ACACB: variants seen among roughly 807,000 people sequenced by gnomAD.
ACACB encodes the protein acetyl-CoA carboxylase beta, also known as acetyl-CoA carboxylase 2.
In ACACB, 209 loss-of-function variants were observed where a neutral mutation model predicts 278.8. That is an observed-to-expected ratio of 0.75 (90% confidence interval 0.67 to 0.84). The LOEUF is 0.84. Among genes scored for constraint, ACACB ranks in the 40% least tolerant of loss-of-function variants. The pLI is 0.00. For synonymous variants in ACACB, 1,174 were observed against 1,285.6 expected (o/e 0.91, Z 1.86); for missense variants, 2,850 against 3,269.0 (o/e 0.87, Z 3.13).
At chr12:109,242,756 G>A (rs1244017552) in intron 37 of ACACB, 164 bp downstream of exon 37, 4 of 756,732 alleles carry the variant, frequency 5.3e-6, no homozygotes, top group Non-Finnish European at 8.1e-6. Flanking sequence ...GGGAGGCCGA[G>A]GAGGGAGGAT....
Position 109,227,487 on chromosome 12 carries a change from C to G in ACACB, c.3999C>G (p.Asn1333Lys). Residue 1333 changes from asparagine (N) to lysine (K), a missense_variant and splice_region_variant, in exon 28 of 53, where the codon AAC (asparagine) becomes AAG (lysine). Asn to Lys is a moderately conservative substitution (Grantham distance 94, BLOSUM62 0). Coordinates refer to ENST00000338432, the MANE Select transcript of ACACB (RefSeq NM_001093.4). Reference sequence around the variant, plus strand: ...TCATGCTGCCGTCCTCCCACCCAAACCGGTATGGAGTGGGACACACCCAGG... The same window carrying G: ...TCATGCTGCCGTCCTCCCACCCAAAGCGGTATGGAGTGGGACACACCCAGG... ...FQFMLPSSHP[N>K]RMTVPISITN... The G allele has an allele frequency of 6.2e-7, 1 of 1,613,636 alleles. No homozygotes were observed. The highest frequency in any genetic ancestry group is 1.1e-5 in the South Asian group (1 of 91,044).
rs753949478 is a variant in ACACB, at chr12:109,139,922, T to A, written c.517T>A (p.Tyr173Asn). Residue 173 changes from tyrosine to asparagine, a missense_variant, in exon 2 of 53, where the codon TAC (tyrosine) becomes AAC (asparagine). Transcript: ENST00000338432. The stretch of plus-strand genomic sequence containing the variant: ...CTTCATCCTGGGCTCTTTTGATGAC[T>A]ACTCCTCCGACGAGGACTCTGTTGC... ...TNFILGSFDDYSSDEDSVAGS... is the reference protein window; with the variant it reads ...TNFILGSFDDNSSDEDSVAGS... 4.3e-6 allele frequency: 7 copies of A among 1,614,052 alleles called. No homozygotes were observed. The highest frequency in any genetic ancestry group is 1.3e-5 in the African/African-American group (1 of 74,946).
At chr12:109,140,890 C>CTTTTTTTTTTTT (rs386377714) in intron 2 of ACACB, among the ~76,000 whole-genome samples, 4 of 86,752 alleles carry the variant, frequency 4.6e-5, no homozygotes, top group Non-Finnish European at 6.9e-5. Flanking sequence ...TTCATTCATT[C>CTTTTTTTTTTTT]TTTTTTTTTT....
intron 1 of ACACB, among the ~76,000 whole-genome samples, chr12:109,122,408 T>C (rs7315132): frequency 0.031 from 4,685 of 151,920 alleles, 208 homozygotes; most frequent in African/African-American, 0.1. Flanking sequence ...TCCCTGTCTG[T>C]ATAAAATATA....
At position 109,172,330 on chromosome 12, in the gene ACACB, T is replaced by C. The variant is rs780259117; in HGVS notation, c.1091T>C (p.Leu364Pro). 2 of 1,614,182 alleles carry C rather than the reference T, an allele frequency of 1.2e-6. No homozygotes were observed. The highest frequency in any genetic ancestry group is 3.3e-5 in the Admixed American group (2 of 60,024). ...ASENPKLPEL[L>P]CKNGVAFLGP... is the part of the protein sequence containing the mutation. ...GAAAACCCTAAACTTCCGGAGCTGC[T>C]GTGCAAGAATGGAGTTGCTTTCTTA... Residue 364 changes from leucine to proline, a missense_variant, in exon 6 of 53, where the codon CTG (leucine) becomes CCG (proline). Physicochemically the swap from Leu to Pro is moderately conservative, Grantham distance 98. This residue lies in a region of ACACB where 2,265 missense variants were observed against 2,561.3 expected (regional missense o/e 0.88). Coordinates refer to ENST00000338432, the MANE Select transcript of ACACB (RefSeq NM_001093.4).
At chr12:109,170,967 G>C (rs927089926) in intron 4 of ACACB, among the ~76,000 whole-genome samples, 2 of 150,700 alleles carry the variant, frequency 1.3e-5, no homozygotes, top group African/African-American at 4.9e-5. Context: ...CTCCCAAGTA[G>C]CTGGGACTAT....
chr12:109,167,203 A>G (rs894708330), intron 3 of ACACB: 9 of 613,820 alleles, frequency 1.5e-5, no homozygotes, highest in East Asian at 2.9e-5. Flanking sequence ...GGATGAAATG[A>G]AATAAGACAG....
intron 24 of ACACB, among the ~76,000 whole-genome samples, chr12:109,220,371 G>T (rs531046287): frequency 3.3e-5 from 5 of 152,238 alleles, no homozygotes; most frequent in South Asian, 2.1e-4. Flanking sequence ...TGATTATTTC[G>T]AAATGAATTT....
rs547530255 is a variant in ACACB at position 109,121,093 on chromosome 12, C to A, written c.-10+4389C>A. ...TAGCTGGGACCACAGGTGCATATCA[C>A]CACACTCGGCTAATTTTTGTATTTT... On this transcript the variant is annotated intron_variant, in intron 1 of 52. Transcript: ENST00000338432. Among the ~76,000 whole-genome samples, 5 of 152,212 alleles carry A rather than the reference C, an allele frequency of 3.3e-5. No individual in the cohort carries two copies. In the East Asian group the frequency reaches 9.7e-4, roughly 29 times the overall value.
At chr12:109,191,822 G>A (rs1565905049) in intron 14 of ACACB, 25 bp from the exon 15 acceptor site, 1 of 1,614,176 alleles carries the variant, frequency 6.2e-7, no homozygotes, top group Non-Finnish European at 8.5e-7. Flanking sequence ...GCTTCCTGAG[G>A]ATACTGAAGT....
At chr12:109,146,952 G>A (rs1015361542) in intron 2 of ACACB, among the ~76,000 whole-genome samples, 2 of 152,066 alleles carry the variant, frequency 1.3e-5, no homozygotes, top group Admixed American at 1.3e-4. Flanking sequence ...TGGGATTACA[G>A]GAATAAGCCA....
Position 109,222,887 on chromosome 12 carries a change from A to G in ACACB, c.3767A>G (p.His1256Arg), listed in dbSNP as rs1423463022. Residue 1256 changes from histidine to arginine, a missense_variant, in exon 26 of 53, where the codon CAC (histidine) becomes CGC (arginine). This residue lies in a region of ACACB where 2,265 missense variants were observed against 2,561.3 expected (regional missense o/e 0.88). Transcript: ENST00000338432. ...CTGTCTGCCATTGACATGTACGGCC[A>G]CCAGTTCTGCCCCGAGAACCTCAAG... ...IFLSAIDMYG[H>R]QFCPENLKKL... 4.3e-6 allele frequency: 7 copies of G among 1,612,540 alleles called. No individual in the cohort carries two copies. The highest frequency in any genetic ancestry group is 2.2e-5 in the East Asian group (1 of 44,802).
chr12:109,188,407 T>G (rs1593503895), intron 13 of ACACB, among the ~76,000 whole-genome samples: 1 of 88,420 alleles, frequency 1.1e-5, no homozygotes. Context: ...TCCCTTCCCC[T>G]CCCTTCCTTC....
At chr12:109,182,305 T>G (rs1368231229) in intron 11 of ACACB, among the ~76,000 whole-genome samples, 1 of 152,228 alleles carries the variant, frequency 6.6e-6, no homozygotes, top group Non-Finnish European at 1.5e-5. Flanking sequence ...GGGAAATGTC[T>G]ATTCAGATCT....
chr12:109,157,463 G>T (rs866171891), intron 2 of ACACB, among the ~76,000 whole-genome samples: 1 of 151,888 alleles, frequency 6.6e-6, no homozygotes, highest in Admixed American at 6.6e-5. Flanking sequence ...AGAGAGACAG[G>T]GTTTCACCAT....
At chr12:109,147,487 C>T (rs1440243404) in intron 2 of ACACB, among the ~76,000 whole-genome samples, 1 of 150,314 alleles carries the variant, frequency 6.7e-6, no homozygotes, top group Non-Finnish European at 1.5e-5. Context: ...TCAAGCAATC[C>T]ACCCACCTCG....
At position 109,253,168 on chromosome 12, in the gene ACACB, TC is replaced by T. The variant is rs760260659; in HGVS notation, c.6045+15del. On this transcript the variant is annotated intron_variant, in intron 43 of 52. Coordinates refer to ENST00000338432, the MANE Select transcript of ACACB (RefSeq NM_001093.4). ...GTCCTATATGCCAAAGGTGCAGTAC[TC>T]CCCCTGCAGCTTAGAACCTGGAAGA... 2.3e-4 allele frequency: 357 copies of T among 1,546,914 alleles called. No homozygotes were observed. Among genetic ancestry groups the T allele is most frequent in the Non-Finnish European group, 2.9e-4 (332 of 1,140,856 alleles).
At chr12:109,212,080 C>A (rs1026538731) in intron 21 of ACACB, among the ~76,000 whole-genome samples, 1 of 152,204 alleles carries the variant, frequency 6.6e-6, no homozygotes, top group Non-Finnish European at 1.5e-5. Context: ...CGAATGTGTG[C>A]ACTCCTCCAT....
At chr12:109,265,773 C>T (rs545865206) in intron 52 of ACACB, among the ~76,000 whole-genome samples, 1 of 152,362 alleles carries the variant, frequency 6.6e-6, no homozygotes, top group Non-Finnish European at 1.5e-5. Context: ...GCTTCCAACT[C>T]ATGAACCTTG....
Sources: allele counts gnomAD v4.1 joint callset (sites outside exome capture counted in the v4.1 genomes callset), GRCh38; gene constraint gnomAD v4.1.1; regional missense constraint gnomAD v4.1.1; transcripts MANE v1.5; gene names NCBI Gene and HGNC (gene_info 2026-07-23, HGNC 2026-07-21).